NDUFA3: variants seen among roughly 807,000 people sequenced by gnomAD.
The protein encoded by NDUFA3 is NADH dehydrogenase [ubiquinone] 1 alpha subcomplex subunit 3.
In NDUFA3, 10 loss-of-function variants were observed where a neutral mutation model predicts 11.4. The observed-to-expected ratio is 0.87, with a 90% confidence interval of 0.54 to 1.48. NDUFA3 has a LOEUF of 1.48. Among genes scored for constraint, NDUFA3 ranks in the 40% most tolerant of loss-of-function variants. The pLI, the probability that NDUFA3 is intolerant of heterozygous loss-of-function variation, is 0.00. For synonymous variants in NDUFA3, 39 were observed against 46.9 expected (o/e 0.83, Z 0.68); for missense variants, 115 against 110.5 (o/e 1.04, Z -0.18).
intron 2 of NDUFA3, among the ~76,000 whole-genome samples, chr19:54,104,955 C>T (rs1425342135): frequency 1.3e-5 from 2 of 152,032 alleles, no homozygotes; most frequent in African/African-American, 4.8e-5. Context: ...TCAGGCTGGT[C>T]TCGAACTCCT....
intron 3 of NDUFA3, chr19:54,106,454 C>T: frequency 2.8e-6 from 1 of 356,564 alleles, no homozygotes; most frequent in Non-Finnish European, 5.1e-6. Context: ...CAGGTGTGAG[C>T]CACCGCGCCT....
chr19:54,105,264 C>CTTT lies in NDUFA3; in HGVS notation c.86-651_86-649dup, dbSNP rs796770972. 4.9e-4 allele frequency among the ~76,000 whole-genome samples: 35 copies of CTTT among 71,248 alleles called. 1 individual carries two copies. Among genetic ancestry groups the CTTT allele is most frequent in the African/African-American group, 1.3e-3 (21 of 16,560 alleles). The allele number at this position is 71,248 out of a possible 152,430, so 46.7% of individuals were successfully genotyped here. ...ACCCTTTCTCCTCCAGTTTGTAAGGCTTTTTTTTTTTTTTTTTTTTTGGTG... is the reference window on the plus strand; with the variant it reads ...ACCCTTTCTCCTCCAGTTTGTAAGGCTTTTTTTTTTTTTTTTTTTTTTTTGGTG... On this transcript the variant is annotated intron_variant, in intron 2 of 3. Transcript: ENST00000485876.
intron 2 of NDUFA3, 29 bp from the exon 3 acceptor site, chr19:54,105,905 C>T (rs1337126915): frequency 1.3e-6 from 2 of 1,575,956 alleles, no homozygotes; most frequent in Non-Finnish European, 1.7e-6. Context: ...CCACCTTCCC[C>T]TGGGCCTCAC....
Position 54,106,890 on chromosome 19 carries a change from G to C in NDUFA3, c.243G>C (p.Leu81=). ...QDPQGPSLEW[L]KKL The stretch of plus-strand genomic sequence containing the variant: ...CTCAGGGCCCCAGCCTGGAGTGGCT[G>C]AAGAAACTGTGAGCACCTCCACTGA... Residue 81 remains leucine (L), a synonymous_variant, in exon 4 of 4, where the codon CTG becomes CTC. Transcript: ENST00000485876. 1 of 1,612,916 alleles carries C rather than the reference G, an allele frequency of 6.2e-7. No individual in the cohort carries two copies. The highest frequency in any genetic ancestry group is 8.5e-7 in the Non-Finnish European group (1 of 1,179,682).
At position 54,106,875 on chromosome 19, in the gene NDUFA3, C is replaced by T; in HGVS notation, c.228C>T (p.Pro76=). Reference sequence around the variant, plus strand: ...GCCACCCCCAGGACCCTCAGGGCCCCAGCCTGGAGTGGCTGAAGAAACTGT... The same window carrying T: ...GCCACCCCCAGGACCCTCAGGGCCCTAGCCTGGAGTGGCTGAAGAAACTGT... ...VPSHPQDPQG[P]SLEWLKKL is the part of the protein sequence containing the mutation. The change falls in exon 4 of 4, where the codon CCC becomes CCT. Residue 76 remains proline (P), a synonymous_variant. Transcript: ENST00000485876. The T allele has an allele frequency of 6.2e-7, 1 of 1,613,740 alleles. No homozygotes were observed.
chr19:54,104,884 G>A (rs1323890275), intron 2 of NDUFA3, among the ~76,000 whole-genome samples: 3 of 151,210 alleles, frequency 2.0e-5, no homozygotes, highest in African/African-American at 4.9e-5. Flanking sequence ...GATTACAGGC[G>A]CATGCCACTA....
At chr19:54,105,619 C>T in intron 2 of NDUFA3, 3 of 606,146 alleles carry the variant, frequency 4.9e-6, no homozygotes, top group Non-Finnish European at 9.5e-6. Flanking sequence ...ACACTACCCC[C>T]AGGATGCTCC....
chr19:54,105,965 C>G lies in NDUFA3; in HGVS notation c.117C>G (p.Phe39Leu). Reference protein sequence around the residue: ...AVILPPLSPYFKYSVMINKAT... With the variant: ...AVILPPLSPYLKYSVMINKAT... Reference sequence around the variant, plus strand: ...TTCTGCCCCCATTGAGCCCCTACTTCAAGTACTCCGTCATGATCAACAAGG... The same window carrying G: ...TTCTGCCCCCATTGAGCCCCTACTTGAAGTACTCCGTCATGATCAACAAGG... Residue 39 changes from phenylalanine (F) to leucine (L), a missense_variant, in exon 3 of 4, where the codon TTC becomes TTG. Physicochemically the swap from Phe to Leu is conservative, Grantham distance 22. Transcript: ENST00000485876. 1 of 1,613,930 alleles carries G rather than the reference C, an allele frequency of 6.2e-7. No homozygotes were observed. The highest frequency in any genetic ancestry group is 8.5e-7 in the Non-Finnish European group (1 of 1,179,878).
Position 54,107,543 on chromosome 19 carries a change from C to T in NDUFA3, c.*641C>T. The T allele has an allele frequency of 3.4e-6, 1 of 298,262 alleles. No homozygotes were observed. 18.5% of individuals were successfully genotyped at this position (298,262 alleles called of 1,614,324 possible). On this transcript the variant is annotated 3_prime_UTR_variant, in exon 4 of 4. Transcript: ENST00000485876. Reference sequence around the variant, plus strand: ...GGATTACAGGCATGAGCCACTGCACCTGGCCAGCCTCACAGTTCTTGTCTG... The same window carrying T: ...GGATTACAGGCATGAGCCACTGCACTTGGCCAGCCTCACAGTTCTTGTCTG...
intron 2 of NDUFA3, among the ~76,000 whole-genome samples, chr19:54,104,041 G>T (rs1346207069): frequency 2.6e-5 from 4 of 151,152 alleles, no homozygotes; most frequent in African/African-American, 9.8e-5. Flanking sequence ...CACCGTGTTA[G>T]CCAGGATGGT....
At position 54,107,221 on chromosome 19, in the gene NDUFA3, C is replaced by T. The variant is rs1568562787; in HGVS notation, c.*319C>T. 6.3e-7 allele frequency: 1 copy of T among 1,580,574 alleles called. No individual in the cohort carries two copies. The highest frequency in any genetic ancestry group is 8.6e-7 in the Non-Finnish European group (1 of 1,164,750). On this transcript the variant is annotated 3_prime_UTR_variant, in exon 4 of 4. Transcript: ENST00000485876. ...AACAGGCCTGGGAATCTAGAAAATC[C>T]CATCAGCTTCACCATTTTTGTTTTC...
At chr19:54,104,997 T>G (rs2073211490) in intron 2 of NDUFA3, among the ~76,000 whole-genome samples, 1 of 151,998 alleles carries the variant, frequency 6.6e-6, no homozygotes, top group South Asian at 2.1e-4. Context: ...CTCAGCCTCC[T>G]AAAGTCCTGG....
intron 2 of NDUFA3, among the ~76,000 whole-genome samples, chr19:54,104,331 T>G (rs2073192007): frequency 6.6e-6 from 1 of 151,426 alleles, no homozygotes; most frequent in South Asian, 2.1e-4. Context: ...AGAGACAAGG[T>G]TTCACCATGT....
Position 54,107,232 on chromosome 19 carries a change from A to G in NDUFA3, c.*330A>G. 6.4e-7 allele frequency: 1 copy of G among 1,573,586 alleles called. No homozygotes were observed. Among genetic ancestry groups the G allele is most frequent in the Non-Finnish European group, 8.6e-7 (1 of 1,161,094 alleles). On this transcript the variant is annotated 3_prime_UTR_variant, in exon 4 of 4. Transcript: ENST00000485876. ...GAATCTAGAAAATCCCATCAGCTTC[A>G]CCATTTTTGTTTTCATTTTGTTTTG...
chr19:54,103,903 G>A (rs1201611841), intron 2 of NDUFA3, among the ~76,000 whole-genome samples: 4 of 151,848 alleles, frequency 2.6e-5, no homozygotes, highest in Non-Finnish European at 5.9e-5. Flanking sequence ...GCGCGATCTC[G>A]GTTCAGTGCA....
chr19:54,106,967 G>A lies in NDUFA3; in HGVS notation c.*65G>A, dbSNP rs955590643. 1.9e-5 allele frequency: 31 copies of A among 1,601,360 alleles called. No individual in the cohort carries two copies. The highest frequency in any genetic ancestry group is 4.0e-5 in the African/African-American group (3 of 74,292). On this transcript the variant is annotated 3_prime_UTR_variant, in exon 4 of 4. Transcript: ENST00000485876. ...AATAAAAATGTGAAAACCAACCCCC[G>A]AACGTGAGCATGTGTGTGATCAGAG...
chr19:54,103,030 C>T lies in NDUFA3; in HGVS notation c.11-84C>T, dbSNP rs587621755. 4 of 1,549,196 alleles carry T rather than the reference C, an allele frequency of 2.6e-6. No homozygotes were observed. In the Admixed American group the frequency reaches 7.6e-5, roughly 29 times the overall value. On this transcript the variant is annotated intron_variant, in intron 1 of 3. Transcript: ENST00000485876. The stretch of plus-strand genomic sequence containing the variant: ...GAACGCAGAAGTCACGAGGGGGCTC[C>T]TCCAGGGCAGGGGTGGCACGAGAGG...
Position 54,106,978 on chromosome 19 carries a change from T to A in NDUFA3, c.*76T>A. On this transcript the variant is annotated 3_prime_UTR_variant, in exon 4 of 4. Coordinates refer to ENST00000485876, the MANE Select transcript of NDUFA3 (RefSeq NM_004542.4). The stretch of plus-strand genomic sequence containing the variant: ...GAAAACCAACCCCCGAACGTGAGCA[T>A]GTGTGTGATCAGAGGTGGGAACAAG... 1 of 1,603,622 alleles carries A rather than the reference T, an allele frequency of 6.2e-7. No homozygotes were observed. The highest frequency in any genetic ancestry group is 8.5e-7 in the Non-Finnish European group (1 of 1,173,576).
chr19:54,105,554 C>T, intron 2 of NDUFA3: 1 of 425,160 alleles, frequency 2.4e-6, no homozygotes, highest in Non-Finnish European at 4.9e-6. Context: ...CAGGCTTGAG[C>T]CACTGTGCCC....
Sources: allele counts gnomAD v4.1 joint callset (sites outside exome capture counted in the v4.1 genomes callset), GRCh38; gene constraint gnomAD v4.1.1; transcripts MANE v1.5; gene names NCBI Gene and HGNC (gene_info 2026-07-23, HGNC 2026-07-21).